The following KCND2 variants were observed in gnomAD, a reference collection of about 807,000 sequenced individuals.
KCND2 encodes A-type voltage-gated potassium channel KCND2.
In KCND2, 16 loss-of-function variants were observed where a neutral mutation model predicts 54.4. The observed-to-expected ratio is 0.29, with a 90% CI of 0.20 to 0.45. The LOEUF (loss-of-function observed/expected upper bound fraction) is 0.45, where lower values mean the gene tolerates loss of function less well. KCND2 is among the 20% of genes least tolerant of loss of function. The pLI, the probability that KCND2 is intolerant of heterozygous loss-of-function variation, is 1.00. For missense variants in KCND2, 486 were observed against 824.2 expected (o/e 0.59, Z 5.02); for synonymous variants, 317 against 310.7 (o/e 1.02, Z -0.21).
chr7:120,524,968 C>T (rs10278676), intron 1 of KCND2, among the ~76,000 whole-genome samples: 6 of 152,102 alleles, frequency 3.9e-5, no homozygotes, highest in Non-Finnish European at 7.4e-5. Context: ...CCTTTTAATA[C>T]TTATAGATCT....
intron 1 of KCND2, among the ~76,000 whole-genome samples, chr7:120,489,075 A>T (rs943641659): frequency 6.6e-6 from 1 of 152,100 alleles, no homozygotes; most frequent in Non-Finnish European, 1.5e-5. Context: ...TGTATGTGTT[A>T]ATATTCTGTA....
At chr7:120,314,091 A>G (rs1799779341) in intron 1 of KCND2, among the ~76,000 whole-genome samples, 1 of 151,362 alleles carries the variant, frequency 6.6e-6, no homozygotes, top group African/African-American at 2.4e-5. Flanking sequence ...AGCCAACATC[A>G]TTTGAGCTTC....
intron 1 of KCND2, among the ~76,000 whole-genome samples, chr7:120,311,754 T>C (rs1286559404): frequency 6.6e-6 from 1 of 152,152 alleles, no homozygotes; most frequent in Non-Finnish European, 1.5e-5. Flanking sequence ...CAGTGTGTGG[T>C]GTTTCCCTCT....
At chr7:120,346,863 A>G (rs1800326120) in intron 1 of KCND2, among the ~76,000 whole-genome samples, 1 of 152,188 alleles carries the variant, frequency 6.6e-6, no homozygotes, top group Non-Finnish European at 1.5e-5. Context: ...AGAATTATTA[A>G]TAACAGCTGT....
chr7:120,323,986 C>T (rs1168628507), intron 1 of KCND2, among the ~76,000 whole-genome samples: 1 of 137,236 alleles, frequency 7.3e-6, no homozygotes, highest in African/African-American at 2.8e-5. Context: ...TTAATGATTG[C>T]CATTCTAACT....
chr7:120,356,910 C>T (rs1327455718), intron 1 of KCND2, among the ~76,000 whole-genome samples: 1 of 152,030 alleles, frequency 6.6e-6, no homozygotes, highest in African/African-American at 2.4e-5. Context: ...ACTGGGGTTG[C>T]GGGAGTGACA....
chr7:120,454,803 C>T (rs2116225708), intron 1 of KCND2, among the ~76,000 whole-genome samples: 1 of 152,244 alleles, frequency 6.6e-6, no homozygotes, highest in East Asian at 1.9e-4. Context: ...TGTCCAAAAC[C>T]TCCTAGATCT....
At chr7:120,315,124 T>C (rs575659561) in intron 1 of KCND2, among the ~76,000 whole-genome samples, 1 of 152,144 alleles carries the variant, frequency 6.6e-6, no homozygotes, top group Non-Finnish European at 1.5e-5. Flanking sequence ...AAAAAAAGCA[T>C]CTATTAATAT....
intron 1 of KCND2, among the ~76,000 whole-genome samples, chr7:120,708,792 A>G (rs1792501525): frequency 6.6e-6 from 1 of 152,042 alleles, no homozygotes; most frequent in South Asian, 2.1e-4. Flanking sequence ...GTCTTTTTTC[A>G]TAGCACATAT....
At position 120,275,752 on chromosome 7, in the gene KCND2, G is replaced by C; in HGVS notation, c.1115+5G>C. The C allele has an allele frequency of 6.2e-7, 1 of 1,600,116 alleles. No homozygotes were observed. The highest frequency in any genetic ancestry group is 8.5e-7 in the Non-Finnish European group (1 of 1,179,952). ...CGTCACCATGACAACACTAGGGTAG[G>C]TGCCATAATGGGAAATGGGATGGAG... is the stretch of plus-strand genomic sequence containing the variant. On this transcript the variant is annotated splice_donor_5th_base_variant and intron_variant, in intron 1 of 5. Transcript: ENST00000331113.
At chr7:120,541,884 T>C (rs1032230141) in intron 1 of KCND2, among the ~76,000 whole-genome samples, 2 of 152,218 alleles carry the variant, frequency 1.3e-5, no homozygotes, top group African/African-American at 2.4e-5. Context: ...TTATAACCTA[T>C]GTCATATTCA....
intron 1 of KCND2, among the ~76,000 whole-genome samples, chr7:120,389,255 T>C (rs1801037832): frequency 6.6e-6 from 1 of 151,950 alleles, no homozygotes; most frequent in South Asian, 2.1e-4. Context: ...CTTTTTATTA[T>C]ATATATGCCT....
intron 1 of KCND2, among the ~76,000 whole-genome samples, chr7:120,570,514 TA>T (rs1306649600): frequency 6.6e-6 from 1 of 151,660 alleles, no homozygotes; most frequent in Non-Finnish European, 1.5e-5. Flanking sequence ...TATGAACCAA[TA>T]AAAAAAGAAA....
rs761958165 is a variant in KCND2, at chr7:120,745,874, CACA to C, written c.1567_1569del (p.Gln523del). 1.1e-5 allele frequency: 17 copies of C among 1,613,776 alleles called. No homozygotes were observed. Among genetic ancestry groups the C allele is most frequent in the Non-Finnish European group, 1.2e-5 (14 of 1,179,868 alleles). On this transcript the variant is annotated inframe_deletion, in exon 5 of 6. Coordinates refer to ENST00000331113, the MANE Select transcript of KCND2 (RefSeq NM_012281.3). ...TCAAGTCACAGTCCTTCACTGTCTT[CACA>C]ACAAGGAGTCACCAGCACCTGCTGT...
At chr7:120,689,085 CAG>C (rs1440134087) in intron 1 of KCND2, among the ~76,000 whole-genome samples, 9 of 152,142 alleles carry the variant, frequency 5.9e-5, no homozygotes, top group African/African-American at 1.7e-4. Flanking sequence ...ATAATACACA[CAG>C]AGTGTCACTG....
chr7:120,405,930 A>G (rs958696535), intron 1 of KCND2, among the ~76,000 whole-genome samples: 4 of 152,004 alleles, frequency 2.6e-5, no homozygotes, highest in Admixed American at 6.6e-5. Flanking sequence ...CTGTCATGGT[A>G]TAGTAGGTAT....
At chr7:120,629,546 A>C (rs532904892) in intron 1 of KCND2, among the ~76,000 whole-genome samples, 1 of 152,202 alleles carries the variant, frequency 6.6e-6, no homozygotes, top group Non-Finnish European at 1.5e-5. Flanking sequence ...GTTGTAAGCC[A>C]TGCGAGGAAC....
intron 1 of KCND2, among the ~76,000 whole-genome samples, chr7:120,659,770 C>T (rs538276823): frequency 6.6e-6 from 1 of 152,248 alleles, no homozygotes; most frequent in African/African-American, 2.4e-5. Context: ...GTCCTGTAGT[C>T]GGCCCTGCAG....
chr7:120,517,018 A>C (rs1029482096), intron 1 of KCND2, among the ~76,000 whole-genome samples: 2 of 152,188 alleles, frequency 1.3e-5, no homozygotes, highest in Non-Finnish European at 2.9e-5. Flanking sequence ...TATTTGATCC[A>C]GTAAAATAAT....
Sources: gnomAD v4.1 joint callset for allele counts (sites outside exome capture counted in the v4.1 genomes callset) on GRCh38, gnomAD v4.1.1 for gene constraint, MANE v1.5 for transcripts, NCBI Gene and HGNC (gene_info 2026-07-23, HGNC 2026-07-21) for gene names.